The following PRKN variants were observed in gnomAD, a reference collection of about 807,000 sequenced individuals.
PRKN encodes the protein parkin RBR E3 ubiquitin protein ligase.
In PRKN, 56 loss-of-function variants were observed where a neutral mutation model predicts 59.5. The observed-to-expected ratio is 0.94, with a 90% CI of 0.76 to 1.18. The LOEUF (loss-of-function observed/expected upper bound fraction) is 1.18, where lower values mean the gene tolerates loss of function less well. Ranked by LOEUF, PRKN falls within the 50% of genes most tolerant of loss-of-function variation. PRKN has a pLI of 0.00. For missense variants in PRKN, 657 were observed against 596.4 expected (o/e 1.10, Z -1.06); for synonymous variants, 250 against 222.1 (o/e 1.13, Z -1.12).
chr6:162,151,551 G>T (rs981622067), intron 4 of PRKN, among the ~76,000 whole-genome samples: 1 of 152,132 alleles, frequency 6.6e-6, no homozygotes, highest in African/African-American at 2.4e-5. Context: ...AAACTGAGCA[G>T]CCACAAGAAA....
intron 5 of PRKN, among the ~76,000 whole-genome samples, chr6:161,989,932 T>C (rs552258790): frequency 6.0e-4 from 91 of 152,144 alleles, no homozygotes; most frequent in Non-Finnish European, 1.2e-4. Context: ...CCCATATGCA[T>C]CACCTGGAGG....
intron 6 of PRKN, among the ~76,000 whole-genome samples, chr6:161,955,633 C>T (rs1332956052): frequency 1.3e-5 from 2 of 152,150 alleles, no homozygotes; most frequent in African/African-American, 2.4e-5. Flanking sequence ...GGCGGATCAC[C>T]TGAGGTCAGG....
At position 161,401,562 on chromosome 6, in the gene PRKN, G is replaced by A. The variant is rs981353693; in HGVS notation, c.1084-14685C>T. On this transcript the variant is annotated intron_variant, in intron 9 of 11. Coordinates refer to ENST00000366898, the MANE Select transcript of PRKN (RefSeq NM_004562.3). The surrounding 1 kb of genome is among the most constrained non-coding windows in gnomAD (Gnocchi z 4.4). ...CAGGAGGCGGAGGCTGCAGTGAGCC[G>A]AGATTGTGCCACTGCACTCCATCTT... Among the ~76,000 whole-genome samples the A allele has an allele frequency of 3.3e-5, 5 of 152,060 alleles. No homozygotes were observed. The highest frequency in any genetic ancestry group is 1.3e-4 in the Admixed American group (2 of 15,270).
chr6:162,539,793 T>C (rs979500441), intron 1 of PRKN, among the ~76,000 whole-genome samples: 1 of 152,132 alleles, frequency 6.6e-6, no homozygotes, highest in African/African-American at 2.4e-5. Flanking sequence ...ACTCTCAAAT[T>C]AAACAGTGAA....
At chr6:162,201,109 T>G (rs1275927532) in intron 4 of PRKN, 22 bp downstream of exon 4, 1 of 1,612,882 alleles carries the variant, frequency 6.2e-7, no homozygotes, top group Admixed American at 1.7e-5. Context: ...GGCAGTCTCA[T>G]GCTGACACTG....
intron 7 of PRKN, among the ~76,000 whole-genome samples, chr6:161,657,874 A>G (rs1375032091): frequency 6.6e-6 from 1 of 151,890 alleles, no homozygotes; most frequent in Non-Finnish European, 1.5e-5. Context: ...AAAAATACAA[A>G]AAAAATTAGC....
At chr6:161,917,782 C>T (rs753774037) in intron 6 of PRKN, among the ~76,000 whole-genome samples, 6 of 152,180 alleles carry the variant, frequency 3.9e-5, no homozygotes, top group Non-Finnish European at 8.8e-5. Flanking sequence ...TTTCAATTTG[C>T]CTCCTGCTGC....
chr6:162,393,506 T>C (rs1787321775), intron 2 of PRKN, among the ~76,000 whole-genome samples: 2 of 152,132 alleles, frequency 1.3e-5, no homozygotes, highest in Non-Finnish European at 2.9e-5. Context: ...CTAGGCTTCA[T>C]ATTGAAATTG....
intron 7 of PRKN, among the ~76,000 whole-genome samples, chr6:161,668,125 G>A (rs60161080): frequency 0.089 from 13,503 of 151,774 alleles, 875 homozygotes; most frequent in African/African-American, 0.18. Flanking sequence ...AGTCTTGTTC[G>A]CTCATCTGGG....
chr6:161,968,495 G>A (rs548126965), intron 6 of PRKN, among the ~76,000 whole-genome samples: 2 of 152,100 alleles, frequency 1.3e-5, no homozygotes, highest in Non-Finnish European at 2.9e-5. Context: ...CGGTCCCCTT[G>A]ACAAGGAGGG....
At chr6:162,237,045 C>A (rs1426767995) in intron 3 of PRKN, among the ~76,000 whole-genome samples, 1 of 152,102 alleles carries the variant, frequency 6.6e-6, no homozygotes, top group Non-Finnish European at 1.5e-5. Flanking sequence ...TCGAATAGCC[C>A]ATCCCTAAGC....
At chr6:162,145,496 G>T (rs1033908456) in intron 4 of PRKN, among the ~76,000 whole-genome samples, 6 of 152,182 alleles carry the variant, frequency 3.9e-5, no homozygotes, top group African/African-American at 1.4e-4. Context: ...AGTCTTGCCT[G>T]CAAGTTGTCC....
At chr6:161,878,232 T>C (rs1015822562) in intron 6 of PRKN, among the ~76,000 whole-genome samples, 7 of 152,192 alleles carry the variant, frequency 4.6e-5, no homozygotes, top group African/African-American at 1.7e-4. Context: ...AGAAATAAAT[T>C]TTTAAAATGT....
chr6:161,702,948 G>T (rs1252373045), intron 7 of PRKN, among the ~76,000 whole-genome samples: 1 of 151,214 alleles, frequency 6.6e-6, no homozygotes, highest in Admixed American at 6.6e-5. Flanking sequence ...CTAACTGTAG[G>T]CTGGAAGAAA....
chr6:162,085,942 T>C (rs1779228317), intron 4 of PRKN, among the ~76,000 whole-genome samples: 2 of 152,188 alleles, frequency 1.3e-5, no homozygotes, highest in Admixed American at 6.5e-5. Flanking sequence ...CATGTAACAG[T>C]GCCTATGAGA....
At chr6:161,917,161 A>C (rs1778597581) in intron 6 of PRKN, among the ~76,000 whole-genome samples, 1 of 151,260 alleles carries the variant, frequency 6.6e-6, no homozygotes, top group Admixed American at 6.6e-5. Flanking sequence ...GCTGGAGTGC[A>C]ATGACACGAT....
intron 2 of PRKN, among the ~76,000 whole-genome samples, chr6:162,334,068 G>C (rs1048022851): frequency 3.3e-5 from 5 of 152,174 alleles, no homozygotes; most frequent in African/African-American, 9.7e-5. Context: ...GGCTGAGAGA[G>C]GTCAGGAAGC....
intron 9 of PRKN, among the ~76,000 whole-genome samples, chr6:161,491,346 G>A (rs1466055946): frequency 6.6e-6 from 1 of 152,184 alleles, no homozygotes; most frequent in African/African-American, 2.4e-5. Context: ...GGGAGCGTGA[G>A]AGGGCGTTGA....
At chr6:162,238,325 A>C (rs1479495352) in intron 3 of PRKN, among the ~76,000 whole-genome samples, 1 of 152,212 alleles carries the variant, frequency 6.6e-6, no homozygotes, top group Non-Finnish European at 1.5e-5. Flanking sequence ...CGTACAGCCC[A>C]GGTGTGCAGT....
Sources: allele counts gnomAD v4.1 joint callset (sites outside exome capture counted in the v4.1 genomes callset), GRCh38; gene constraint gnomAD v4.1.1; non-coding constraint Gnocchi (gnomAD v3.1); transcripts MANE v1.5; gene names NCBI Gene and HGNC (gene_info 2026-07-23, HGNC 2026-07-21).